Variants in FER1L6 observed in about 807,000 individuals in gnomAD.
FER1L6 encodes the protein fer-1-like protein 6.
A neutral mutation model predicts 219.2 loss-of-function variants in FER1L6; 177 were observed. That is an observed-to-expected ratio of 0.81 (90% CI 0.71 to 0.91). The LOEUF (loss-of-function observed/expected upper bound fraction) is 0.91. Ranked by LOEUF, FER1L6 falls within the 40% of genes least tolerant of loss-of-function variation. FER1L6 has a pLI of 0.00. For synonymous variants in FER1L6, 768 were observed against 824.3 expected, an observed-to-expected ratio of 0.93 and a Z score of 1.17; for missense variants, 2,153 against 2,259.9, an observed-to-expected ratio of 0.95 and a Z score of 0.96.
intron 1 of FER1L6, among the ~76,000 whole-genome samples, chr8:123,936,096 T>C (rs1486972299): frequency 6.6e-6 from 1 of 152,122 alleles, no homozygotes; most frequent in Non-Finnish European, 1.5e-5. Context: ...GCCTGCGTAT[T>C]AGGATGGGAA....
Position 124,091,460 on chromosome 8 carries a change from A to G in FER1L6, c.4429A>G (p.Thr1477Ala). 1.2e-6 allele frequency: 2 copies of G among 1,614,068 alleles called. No individual in the cohort carries two copies. Among genetic ancestry groups the G allele is most frequent in the South Asian group, 1.1e-5 (1 of 91,080 alleles). Reference protein sequence around the residue: ...YNAWRDTSKPTEILTKLCKDN... With the variant: ...YNAWRDTSKPAEILTKLCKDN... ...TGCCTGGAGAGACACGTCCAAACCC[A>G]CCGAAATCCTCACTAAGCTCTGCAA... Residue 1477 changes from threonine (T) to alanine (A), a missense_variant, in exon 34 of 41, where the codon ACC becomes GCC. Physicochemically the swap from Thr to Ala is moderately conservative, Grantham distance 58. Transcript: ENST00000522917.
Position 124,035,269 on chromosome 8 carries a change from T to G in FER1L6, c.2287-8T>G, listed in dbSNP as rs1392292466. The G allele has an allele frequency of 6.2e-7, 1 of 1,611,580 alleles. No individual in the cohort carries two copies. The highest frequency in any genetic ancestry group is 1.3e-5 in the African/African-American group (1 of 74,842). On this transcript the variant is annotated splice_polypyrimidine_tract_variant and splice_region_variant and intron_variant, in intron 18 of 40. Transcript: ENST00000522917. ...AATAAGTCAGTCTTTTTTGTAACCT[T>G]TCTCCAGCCTCCTGGGAAACGACCG...
chr8:123,910,939 C>T (rs1254013893), intron 1 of FER1L6, among the ~76,000 whole-genome samples: 1 of 152,002 alleles, frequency 6.6e-6, no homozygotes, highest in Non-Finnish European at 1.5e-5. Flanking sequence ...ACCTGAAGTC[C>T]AGGTCCTATG....
At chr8:124,051,788 C>G (rs1398274549) in intron 22 of FER1L6, among the ~76,000 whole-genome samples, 2 of 152,160 alleles carry the variant, frequency 1.3e-5, no homozygotes, top group Non-Finnish European at 2.9e-5. Context: ...CTGCCCAGGT[C>G]TACAGCCTTG....
intron 1 of FER1L6, among the ~76,000 whole-genome samples, chr8:123,858,141 C>T (rs1816680939): frequency 6.6e-6 from 1 of 152,196 alleles, no homozygotes; most frequent in Admixed American, 6.5e-5. Context: ...GGTTCTCCTA[C>T]TTTAACCAGG....
chr8:124,032,406 C>T (rs957300159), intron 18 of FER1L6, among the ~76,000 whole-genome samples: 2 of 152,006 alleles, frequency 1.3e-5, no homozygotes, highest in Admixed American at 6.6e-5. Context: ...GCTTGGGTGA[C>T]AGAGCAAGAC....
intron 7 of FER1L6, among the ~76,000 whole-genome samples, chr8:123,974,894 A>G (rs1586540407): frequency 6.6e-6 from 1 of 152,058 alleles, no homozygotes; most frequent in Admixed American, 6.5e-5. Context: ...ACCTTGTCTC[A>G]GTGATTTCTA....
Position 124,091,590 on chromosome 8 carries a change from C to T in FER1L6, c.4552+7C>T, listed in dbSNP as rs770089359. The T allele has an allele frequency of 6.2e-7, 1 of 1,611,438 alleles. No individual in the cohort carries two copies. Among genetic ancestry groups the T allele is most frequent in the Non-Finnish European group, 8.5e-7 (1 of 1,178,716 alleles). On this transcript the variant is annotated splice_region_variant and intron_variant, in intron 34 of 40. Coordinates refer to ENST00000522917, the MANE Select transcript of FER1L6 (RefSeq NM_001039112.2). ...TTCACTGAAGAGGACACTGGTAACTCCCTGCAAAATATCCTGCTGGTGTTG... is the reference window on the plus strand; with the variant it reads ...TTCACTGAAGAGGACACTGGTAACTTCCTGCAAAATATCCTGCTGGTGTTG...
At chr8:123,876,074 G>A (rs924363554) in intron 1 of FER1L6, among the ~76,000 whole-genome samples, 1 of 152,152 alleles carries the variant, frequency 6.6e-6, no homozygotes, top group Non-Finnish European at 1.5e-5. Flanking sequence ...TACAACTCAA[G>A]ATCTGTTCAC....
chr8:123,972,548 T>G (rs1586537085), intron 6 of FER1L6, among the ~76,000 whole-genome samples: 1 of 152,210 alleles, frequency 6.6e-6, no homozygotes, highest in Non-Finnish European at 1.5e-5. Context: ...ATAACTTGAT[T>G]ATTTGCAGTG....
chr8:123,976,290 C>T (rs1816069505), intron 9 of FER1L6, among the ~76,000 whole-genome samples: 6 of 152,062 alleles, frequency 3.9e-5, no homozygotes, highest in Admixed American at 3.9e-4. Flanking sequence ...CACTTGAGGC[C>T]AGGAGCTCAA....
chr8:124,010,614 T>C lies in FER1L6; in HGVS notation c.1721T>C (p.Phe574Ser). ...CACAGGAATTACAACTATTTGCCAT[T>C]TGAGGCTAAGAAGCCCTGTGTCTAT... ...EGNRNYNYLP[F>S]EAKKPCVYFI... The change falls in exon 14 of 41, where the codon TTT becomes TCT. Residue 574 changes from phenylalanine to serine, a missense_variant. By Grantham distance (155) the Phe-to-Ser change is radical. Transcript: ENST00000522917. 2.5e-6 allele frequency: 4 copies of C among 1,613,978 alleles called. No homozygotes were observed. The highest frequency in any genetic ancestry group is 3.4e-6 in the Non-Finnish European group (4 of 1,179,944).
At chr8:124,103,493 T>C (rs542938222) in intron 39 of FER1L6, among the ~76,000 whole-genome samples, 184 bp downstream of exon 39, 3 of 152,354 alleles carry the variant, frequency 2.0e-5, no homozygotes, top group African/African-American at 7.2e-5. Flanking sequence ...TAGCTATCTA[T>C]GTTGAGGTGA....
At chr8:124,097,477 G>T in intron 36 of FER1L6, 118 bp downstream of exon 36, 1 of 755,814 alleles carries the variant, frequency 1.3e-6, no homozygotes, top group Non-Finnish European at 2.2e-6. Flanking sequence ...CTATCCACCC[G>T]GCCAGTTTTT....
At chr8:124,032,570 C>T (rs1819018863) in intron 18 of FER1L6, among the ~76,000 whole-genome samples, 1 of 151,842 alleles carries the variant, frequency 6.6e-6, no homozygotes, top group Non-Finnish European at 1.5e-5. Flanking sequence ...CTCTACCTCC[C>T]AAAAAATCAA....
At chr8:124,035,534 A>T in intron 19 of FER1L6, 80 bp downstream of exon 19, 4 of 1,430,328 alleles carry the variant, frequency 2.8e-6, no homozygotes, top group Non-Finnish European at 3.8e-6. Context: ...GGCAGCATGC[A>T]TGAGTTTTTT....
chr8:123,966,845 G>A (rs907148469), intron 5 of FER1L6, among the ~76,000 whole-genome samples: 4 of 152,104 alleles, frequency 2.6e-5, no homozygotes, highest in Admixed American at 2.6e-4. Context: ...ACTTTGGGAG[G>A]CCACGGCGTG....
At chr8:124,011,894 C>T (rs1477017497) in intron 14 of FER1L6, among the ~76,000 whole-genome samples, 1 of 152,060 alleles carries the variant, frequency 6.6e-6, no homozygotes, top group Non-Finnish European at 1.5e-5. Flanking sequence ...AGCATAATAC[C>T]TGGCACGTGA....
chr8:123,858,594 G>A (rs890738078), intron 1 of FER1L6, among the ~76,000 whole-genome samples: 1 of 152,210 alleles, frequency 6.6e-6, no homozygotes, highest in African/African-American at 2.4e-5. Context: ...TCAGATGCAA[G>A]GGTTTAGCAG....
Sources: gnomAD v4.1 joint callset for allele counts (sites outside exome capture counted in the v4.1 genomes callset) on GRCh38, gnomAD v4.1.1 for gene constraint, MANE v1.5 for transcripts, NCBI Gene and HGNC (gene_info 2026-07-23, HGNC 2026-07-21) for gene names.